OTUD7A: variants seen among roughly 807,000 people sequenced by gnomAD.
OTUD7A encodes OTU deubiquitinase 7A.
In OTUD7A, 12 loss-of-function variants were observed where a neutral mutation model predicts 65.7. The ratio of observed to expected loss-of-function variants is 0.18; its 90% CI spans 0.12 to 0.30. The LOEUF (loss-of-function observed/expected upper bound fraction) is 0.30. Among genes scored for constraint, OTUD7A ranks in the 10% least tolerant of loss-of-function variants. The pLI, the probability that OTUD7A is intolerant of heterozygous loss-of-function variation, is 1.00. For missense variants in OTUD7A, 1,148 were observed against 1,304.8 expected (o/e 0.88, Z 1.85); for synonymous variants, 641 against 586.3 (o/e 1.09, Z -1.35).
chr15:31,806,206 A>G (rs1294281457), intron 1 of OTUD7A, among the ~76,000 whole-genome samples: 1 of 152,188 alleles, frequency 6.6e-6, no homozygotes, highest in East Asian at 1.9e-4. Context: ...GCTTCAGTTG[A>G]TATCATTTTC....
At chr15:31,860,638 T>C (rs1394771861) in intron 1 of OTUD7A, among the ~76,000 whole-genome samples, 1 of 130,022 alleles carries the variant, frequency 7.7e-6, no homozygotes, top group Non-Finnish European at 1.6e-5. Flanking sequence ...TATATATATA[T>C]ATATATGTAT....
At chr15:31,577,261 G>A (rs1268040147) in intron 3 of OTUD7A, among the ~76,000 whole-genome samples, 5 of 152,162 alleles carry the variant, frequency 3.3e-5, no homozygotes, top group African/African-American at 1.2e-4. Flanking sequence ...TGTAAGGTCT[G>A]AAACATTTGC....
rs79409973 is a variant in OTUD7A, at chr15:31,809,605, C to T, written c.-100+60902G>A. Among the ~76,000 whole-genome samples the T allele has an allele frequency of 5.2e-3, 798 of 152,256 alleles. 10 individuals carry two copies. Among genetic ancestry groups the T allele is most frequent in the African/African-American group, 0.018 (768 of 41,540 alleles). ...AGTATCAGAAGCAGCTGGTACTGAC[C>T]AGCTTTTCTTCCCTTGAACTAGGAC... On this transcript the variant is annotated intron_variant, in intron 1 of 12. Coordinates refer to ENST00000307050, the MANE Select transcript of OTUD7A (RefSeq NM_001382637.1).
chr15:31,497,102 C>T (rs1595557645), intron 10 of OTUD7A, among the ~76,000 whole-genome samples: 1 of 152,144 alleles, frequency 6.6e-6, no homozygotes, highest in African/African-American at 2.4e-5. Context: ...GTGCTGCTCT[C>T]TAGGTTCCTT....
At chr15:31,566,520 G>C (rs1179506205) in intron 4 of OTUD7A, among the ~76,000 whole-genome samples, 1 of 152,182 alleles carries the variant, frequency 6.6e-6, no homozygotes, top group African/African-American at 2.4e-5. Context: ...ATGACAAGAT[G>C]AGACAAGACA....
chr15:31,811,389 G>A (rs894433100), intron 1 of OTUD7A, among the ~76,000 whole-genome samples: 70 of 151,978 alleles, frequency 4.6e-4, no homozygotes, highest in African/African-American at 1.7e-3. Context: ...ACTTGCATGT[G>A]TGGGGGGGTA....
intron 1 of OTUD7A, among the ~76,000 whole-genome samples, chr15:31,799,784 C>A (rs1896070332): frequency 6.6e-6 from 1 of 152,146 alleles, no homozygotes; most frequent in African/African-American, 2.4e-5. Flanking sequence ...CTTTCTGGCT[C>A]ACACCTAGTT....
At chr15:31,831,703 T>C (rs774498389) in intron 1 of OTUD7A, among the ~76,000 whole-genome samples, 4 of 152,244 alleles carry the variant, frequency 2.6e-5, no homozygotes, top group Admixed American at 6.5e-5. Context: ...ACAGTAGCCT[T>C]ATTCCAACAA....
chr15:31,766,114 G>A, intron 1 of OTUD7A: 1 of 1,429,122 alleles, frequency 7.0e-7, no homozygotes. Flanking sequence ...ACTGCAGTCT[G>A]CAAGTAAGAG....
intron 3 of OTUD7A, among the ~76,000 whole-genome samples, chr15:31,625,155 T>C (rs2141241920): frequency 6.6e-6 from 1 of 152,286 alleles, no homozygotes; most frequent in Admixed American, 6.5e-5. Flanking sequence ...GGTCTCCTGC[T>C]GACCGCCAGT....
At chr15:31,652,482 G>T (rs977683315) in intron 3 of OTUD7A, among the ~76,000 whole-genome samples, 4 of 152,204 alleles carry the variant, frequency 2.6e-5, no homozygotes, top group African/African-American at 9.7e-5. Context: ...AAAAAAGTCA[G>T]TTGGAACGCA....
chr15:31,631,984 A>G (rs1221412264), intron 3 of OTUD7A, among the ~76,000 whole-genome samples: 1 of 151,876 alleles, frequency 6.6e-6, no homozygotes, highest in Non-Finnish European at 1.5e-5. Flanking sequence ...CTAGTTATCC[A>G]TTCATCTAGT....
chr15:31,666,558 A>G (rs1396469152), intron 1 of OTUD7A, among the ~76,000 whole-genome samples: 2 of 151,808 alleles, frequency 1.3e-5, no homozygotes, highest in Non-Finnish European at 2.9e-5. Context: ...AGTGGTCTTG[A>G]ATTTTATTTA....
chr15:31,771,819 T>C (rs1179472780), intron 1 of OTUD7A, among the ~76,000 whole-genome samples: 1 of 152,170 alleles, frequency 6.6e-6, no homozygotes, highest in African/African-American at 2.4e-5. Flanking sequence ...CAGCCTTCTG[T>C]TTGGCCTTAG....
At chr15:31,570,405 T>C (rs545380957) in intron 3 of OTUD7A, among the ~76,000 whole-genome samples, 1 of 151,154 alleles carries the variant, frequency 6.6e-6, no homozygotes, top group Non-Finnish European at 1.5e-5. Context: ...CCATCTAAAA[T>C]ATGTGACTAT....
intron 1 of OTUD7A, among the ~76,000 whole-genome samples, chr15:31,807,561 C>T (rs1896302312): frequency 6.6e-6 from 1 of 152,108 alleles, no homozygotes; most frequent in African/African-American, 2.4e-5. Context: ...TCCCCAGCTC[C>T]AGTTTTGGCA....
chr15:31,655,550 T>C (rs1236446342), intron 2 of OTUD7A, among the ~76,000 whole-genome samples: 8 of 151,794 alleles, frequency 5.3e-5, no homozygotes, highest in South Asian at 2.1e-4. Context: ...TCCAAGGTGA[T>C]GGAGAAAGAC....
chr15:31,660,931 G>A (rs765196846), intron 1 of OTUD7A, among the ~76,000 whole-genome samples: 2 of 152,232 alleles, frequency 1.3e-5, no homozygotes, highest in African/African-American at 4.8e-5. Flanking sequence ...CTGAGGCTCG[G>A]AGAAGGCACA....
chr15:31,500,833 C>A (rs1166899574), intron 10 of OTUD7A, among the ~76,000 whole-genome samples: 1 of 152,256 alleles, frequency 6.6e-6, no homozygotes, highest in Non-Finnish European at 1.5e-5. Context: ...GTTGGTCTTG[C>A]CTGTCCGTCT....
Sources: gnomAD v4.1 joint callset for allele counts (sites outside exome capture counted in the v4.1 genomes callset) on GRCh38, gnomAD v4.1.1 for gene constraint, MANE v1.5 for transcripts, NCBI Gene and HGNC (gene_info 2026-07-23, HGNC 2026-07-21) for gene names.